AGAP3: variants seen among roughly 807,000 people sequenced by gnomAD.
AGAP3 encodes the protein ArfGAP with GTPase domain, ankyrin repeat and PH domain 3, also known as arf-GAP with GTPase, ANK repeat and PH domain-containing protein 3.
AGAP3 carries 24 observed loss-of-function variants against 96.9 expected under a neutral mutation model. The ratio of observed to expected loss-of-function variants is 0.25; its 90% CI spans 0.18 to 0.35. The LOEUF (loss-of-function observed/expected upper bound fraction) is 0.35. AGAP3 is among the 10% of genes least tolerant of loss of function. The probability of loss-of-function intolerance (pLI) is 1.00; values close to 1 mark genes in which losing one functional copy is unlikely to be tolerated. For synonymous variants in AGAP3, 563 were observed against 536.1 expected, an observed-to-expected ratio of 1.05 and a Z score of -0.69; for missense variants, 876 against 1,254.2, an observed-to-expected ratio of 0.70 and a Z score of 4.55.
rs568155733 is a variant in AGAP3, at chr7:151,108,766, C to T, written c.332-8027C>T. Among the ~76,000 whole-genome samples the T allele has an allele frequency of 4.6e-5, 7 of 152,356 alleles. No homozygotes were observed. The highest frequency in any genetic ancestry group is 1.7e-4 in the African/African-American group (7 of 41,588). ...GCCTGGGATTCTGGAGTCCTGGGCC[C>T]TGCCCAGGCTCTGTCACTGCTGGGC... On this transcript the variant is annotated intron_variant, in intron 1 of 17. Transcript: ENST00000397238. This position sits in a 1 kb window ranked among gnomAD's most constrained non-coding sequence, Gnocchi z 4.2.
At chr7:151,116,658 T>C (rs1267048248) in intron 1 of AGAP3, 135 bp from the exon 2 acceptor site, 6 of 909,374 alleles carry the variant, frequency 6.6e-6, no homozygotes, top group Non-Finnish European at 1.1e-5. Context: ...GGGGTGAGGG[T>C]TGGGGGTCCC....
chr7:151,126,465 G>A (rs1225339406), intron 9 of AGAP3, among the ~76,000 whole-genome samples: 1 of 145,488 alleles, frequency 6.9e-6, no homozygotes, highest in African/African-American at 2.6e-5. Context: ...GCTGGGAGAG[G>A]GAAGCACGCC....
chr7:151,129,835 T>C (rs1276422697), intron 10 of AGAP3, among the ~76,000 whole-genome samples: 1 of 152,160 alleles, frequency 6.6e-6, no homozygotes, highest in Non-Finnish European at 1.5e-5. Context: ...GCTCTGCGGG[T>C]ACCAGGCTTT....
chr7:151,139,803 C>T lies in AGAP3; in HGVS notation c.1667-176C>T, dbSNP rs1800749981. ...ATTTTCCTCCTCCAAGGCTGGGGAGCTTTGGGACTGGGAAGCCCAGGCAGA... is the reference window on the plus strand; with the variant it reads ...ATTTTCCTCCTCCAAGGCTGGGGAGTTTTGGGACTGGGAAGCCCAGGCAGA... On this transcript the variant is annotated intron_variant, in intron 12 of 17. Coordinates refer to ENST00000397238, the MANE Select transcript of AGAP3 (RefSeq NM_031946.7). The surrounding 1 kb of genome is among the most constrained non-coding windows in gnomAD (Gnocchi z 4.9). The T allele has an allele frequency of 2.0e-6, 1 of 500,202 alleles. No homozygotes were observed. The highest frequency in any genetic ancestry group is 2.0e-5 in the African/African-American group (1 of 49,984). 31.0% of individuals were successfully genotyped at this position (500,202 alleles called of 1,614,324 possible). A position where few individuals can be genotyped will look rare whatever the true frequency, so the allele number is the denominator to read the frequency against.
At chr7:151,116,890 TG>T (rs76473497) in intron 2 of AGAP3, 39 bp downstream of exon 2, 37 of 1,610,144 alleles carry the variant, frequency 2.3e-5, no homozygotes, top group East Asian at 1.6e-4. Context: ...GGCCTGGAGC[TG>T]GGGGGGCGAG....
In AGAP3 at chr7:151,118,373, G is replaced by A. The variant is rs1240913656; in HGVS notation, c.841+29G>A. On this transcript the variant is annotated intron_variant, in intron 6 of 17. Coordinates refer to ENST00000397238, the MANE Select transcript of AGAP3 (RefSeq NM_031946.7). The surrounding 1 kb of genome is among the most constrained non-coding windows in gnomAD (Gnocchi z 6.1). ...ACTCGGGTGCCGGGTGGGAGTCACT[G>A]GCAGCCGCGGCCCCAGTGCTGGCGA... is the stretch of plus-strand genomic sequence containing the variant. The A allele has an allele frequency of 1.3e-6, 2 of 1,598,878 alleles. No homozygotes were observed. The highest frequency in any genetic ancestry group is 2.7e-5 in the African/African-American group (2 of 74,676).
At chr7:151,090,805 G>A (rs1361114359) in intron 1 of AGAP3, among the ~76,000 whole-genome samples, 2 of 152,124 alleles carry the variant, frequency 1.3e-5, no homozygotes, top group Non-Finnish European at 2.9e-5. Flanking sequence ...TTAGCCGGGC[G>A]TGGTGGCGGG....
At chr7:151,116,766 C>T in intron 1 of AGAP3, 27 bp from the exon 2 acceptor site, 1 of 1,613,986 alleles carries the variant, frequency 6.2e-7, no homozygotes, top group Non-Finnish European at 8.5e-7. Context: ...CACCCTGGCC[C>T]TGACGGGGCG....
chr7:151,088,706 T>C (rs1798256662), intron 1 of AGAP3, among the ~76,000 whole-genome samples: 1 of 152,222 alleles, frequency 6.6e-6, no homozygotes, highest in Admixed American at 6.5e-5. Context: ...CGGGCTCCCC[T>C]GGCTCCAGCT....
rs531033078 is a variant in AGAP3, at chr7:151,135,881, CCTAA to C, written c.1495+1316_1495+1319del. ...AGTAAGTGGGAGACCTAGGGTTCAA[CCTAA>C]CTGTGTCTGACTTGAAGAGCAATCT... On this transcript the variant is annotated intron_variant, in intron 11 of 17. Transcript: ENST00000397238. 1.8e-4 allele frequency among the ~76,000 whole-genome samples: 28 copies of C among 152,316 alleles called. 1 individual carries two copies. The South Asian group carries it at 4.6e-3, about 25-fold the overall frequency.
intron 1 of AGAP3, among the ~76,000 whole-genome samples, chr7:151,103,400 G>T (rs1798911421): frequency 1.3e-5 from 2 of 152,126 alleles, no homozygotes; most frequent in African/African-American, 4.8e-5. Context: ...CCTCTTAAGC[G>T]GACAGAAAAC....
intron 8 of AGAP3, chr7:151,122,676 G>A (rs758540596): frequency 5.0e-6 from 8 of 1,609,932 alleles, no homozygotes; most frequent in East Asian, 2.2e-5. Context: ...CGACTTGTGC[G>A]GGGCTTGAGT....
intron 1 of AGAP3, among the ~76,000 whole-genome samples, chr7:151,088,454 G>A (rs763425143): frequency 6.6e-6 from 1 of 152,206 alleles, no homozygotes; most frequent in East Asian, 1.9e-4. Context: ...GCATTTGTGC[G>A]AGCCCTGGGC....
Position 151,117,636 on chromosome 7 carries a change from T to G in AGAP3, c.565T>G (p.Phe189Val). 1 of 1,614,042 alleles carries G rather than the reference T, an allele frequency of 6.2e-7. No homozygotes were observed. Among genetic ancestry groups the G allele is most frequent in the Non-Finnish European group, 8.5e-7 (1 of 1,179,922 alleles). ...GCTAATTTTACTTGCTCTACCCTAG[T>G]TTGCTGCCTGGGTGGATGCAGTGGT... is the stretch of plus-strand genomic sequence containing the variant. The part of the protein sequence containing the change: ...RDEGGPPELQ[F>V]AAWVDAVVFV... The change falls in exon 5 of 18, where the codon TTT becomes GTT. Residue 189 changes from phenylalanine (F) to valine (V), a missense_variant and splice_region_variant. By Grantham distance (50) the Phe-to-Val change is conservative. Around this residue, in one of 8 missense-constraint regions of AGAP3, gnomAD observed 131 missense variants for 304.5 expected, o/e 0.43. Transcript: ENST00000397238.
At chr7:151,119,690 C>T (rs1339334286) in intron 7 of AGAP3, among the ~76,000 whole-genome samples, 2 of 152,204 alleles carry the variant, frequency 1.3e-5, no homozygotes, top group African/African-American at 4.8e-5. Flanking sequence ...CAGCTGATTC[C>T]CACCTACCAG....
chr7:151,094,014 G>A (rs1174542115), intron 1 of AGAP3, among the ~76,000 whole-genome samples: 1 of 152,184 alleles, frequency 6.6e-6, no homozygotes, highest in Non-Finnish European at 1.5e-5. Context: ...GCAGCACTTT[G>A]AGATGCGCCC....
Position 151,144,306 on chromosome 7 carries a change from G to C in AGAP3, c.*363G>C, listed in dbSNP as rs1240281562. ...GGAAGAGGACGGCACCAAGTTGGGG[G>C]TGCTGGATGAAAGAGACGAGGGGTG... On this transcript the variant is annotated 3_prime_UTR_variant, in exon 18 of 18. Transcript: ENST00000397238. The C allele has an allele frequency of 3.4e-6, 1 of 296,368 alleles. No individual in the cohort carries two copies. Among genetic ancestry groups the C allele is most frequent in the Non-Finnish European group, 6.3e-6 (1 of 157,834 alleles). 18.4% of individuals were successfully genotyped at this position (296,368 alleles called of 1,614,324 possible). A position where few individuals can be genotyped will look rare whatever the true frequency, so the allele number is the denominator to read the frequency against.
rs1408743209 is a variant in AGAP3, at chr7:151,142,648, G to A, written c.2273+14G>A. On this transcript the variant is annotated intron_variant, in intron 16 of 17. Coordinates refer to ENST00000397238, the MANE Select transcript of AGAP3 (RefSeq NM_031946.7). This position sits in a 1 kb window ranked among gnomAD's most constrained non-coding sequence, Gnocchi z 7.5. ...TGATGCCTGCAGGTGAGCAGATGGT[G>A]CCCTGGAGCTGGCCAGGAATGGGGG... is the stretch of plus-strand genomic sequence containing the variant. 3 of 1,609,690 alleles carry A rather than the reference G, an allele frequency of 1.9e-6. No individual in the cohort carries two copies. The highest frequency in any genetic ancestry group is 1.7e-5 in the Admixed American group (1 of 59,996).
intron 9 of AGAP3, among the ~76,000 whole-genome samples, chr7:151,126,749 C>T (rs960385061): frequency 6.6e-6 from 1 of 152,198 alleles, no homozygotes; most frequent in African/African-American, 2.4e-5. Flanking sequence ...GTCACCAAGG[C>T]CCAGCCTACC....
Sources: allele counts gnomAD v4.1 joint callset (sites outside exome capture counted in the v4.1 genomes callset), GRCh38; gene constraint gnomAD v4.1.1; regional missense constraint gnomAD v4.1.1; non-coding constraint Gnocchi (gnomAD v3.1); transcripts MANE v1.5; gene names NCBI Gene and HGNC (gene_info 2026-07-23, HGNC 2026-07-21).